LIPG: variants seen among roughly 807,000 people sequenced by gnomAD.
The protein encoded by LIPG is lipase G, endothelial type.
In LIPG, 34 loss-of-function variants were observed where a neutral mutation model predicts 51.8. The observed-to-expected ratio is 0.66, with a 90% CI of 0.50 to 0.87. LIPG has a LOEUF of 0.87. LIPG is among the 40% of genes least tolerant of loss of function. LIPG has a pLI of 0.00. For missense variants in LIPG, 580 were observed against 652.7 expected, an observed-to-expected ratio of 0.89 and a Z score of 1.21; for synonymous variants, 246 against 246.1, an observed-to-expected ratio of 1.00 and a Z score of 0.00.
At chr18:49,567,861 G>T (rs2084623514) in intron 3 of LIPG, 2 of 501,514 alleles carry the variant, frequency 4.0e-6, no homozygotes, top group Non-Finnish European at 7.0e-6. Context: ...GCTGAAAATT[G>T]GCCTTATGGG....
chr18:49,590,217 G>A, intron 9 of LIPG: 1 of 504,358 alleles, frequency 2.0e-6, no homozygotes, highest in Non-Finnish European at 3.7e-6. Context: ...GTATGTTGTG[G>A]GTGGATAATA....
At chr18:49,580,353 A>G (rs939435347) in intron 5 of LIPG, among the ~76,000 whole-genome samples, 2 of 152,232 alleles carry the variant, frequency 1.3e-5, no homozygotes, top group Admixed American at 1.3e-4. Context: ...TTCTTAAAGC[A>G]TCAGCTAGTA....
At chr18:49,566,262 T>G (rs1051508260) in intron 2 of LIPG, among the ~76,000 whole-genome samples, 1 of 152,192 alleles carries the variant, frequency 6.6e-6, no homozygotes, top group Non-Finnish European at 1.5e-5. Flanking sequence ...GGTAGGTGCC[T>G]GCCTACCTAG....
intron 1 of LIPG, among the ~76,000 whole-genome samples, chr18:49,563,307 T>C (rs2084570802): frequency 6.6e-6 from 1 of 152,210 alleles, no homozygotes; most frequent in Non-Finnish European, 1.5e-5. Context: ...ACTCTGGTGC[T>C]AACTAGAAGC....
intron 7 of LIPG, 34 bp downstream of exon 7, chr18:49,582,516 C>G (rs1034576601): frequency 2.5e-6 from 4 of 1,613,828 alleles, no homozygotes; most frequent in Admixed American, 1.7e-5. Context: ...GGGTTCGGGA[C>G]AGAGAACAGG....
rs1274601278 is a variant in LIPG, at chr18:49,594,924, A to G, written c.*4402A>G. 1 of 152,232 alleles carries G rather than the reference A, an allele frequency of 6.6e-6. No homozygotes were observed. The allele number at this position is 152,232 out of a possible 1,614,324, so 9.4% of individuals were successfully genotyped here. A position where few individuals can be genotyped will look rare whatever the true frequency, so the allele number is the denominator to read the frequency against. ...GAAAATTGTTGAAATTTCCCAAAGG[A>G]AGAGTCATAGCCTGGATGACTGCAA... On this transcript the variant is annotated 3_prime_UTR_variant, in exon 10 of 10. Transcript: ENST00000261292.
intron 2 of LIPG, 86 bp downstream of exon 2, chr18:49,565,584 A>G: frequency 3.4e-6 from 5 of 1,478,436 alleles, no homozygotes; most frequent in Non-Finnish European, 4.7e-6. Context: ...TGGTGTTTCC[A>G]GATTCCAAAC....
chr18:49,575,457 C>T lies in LIPG; in HGVS notation c.660C>T (p.His220=), dbSNP rs756495519. Residue 220 remains histidine (H), a synonymous_variant, in exon 5 of 10, where the codon CAC becomes CAT. Transcript: ENST00000261292. The stretch of plus-strand genomic sequence containing the variant: ...ATGCAGATTTTGTGGATGTCCTCCA[C>T]ACCTACACGCGTTCCTTCGGCTTGA... ...PDDADFVDVL[H]TYTRSFGLSI... is the part of the protein sequence containing the mutation. The T allele has an allele frequency of 1.2e-6, 2 of 1,614,222 alleles. No homozygotes were observed. The highest frequency in any genetic ancestry group is 1.7e-5 in the Admixed American group (1 of 60,032).
chr18:49,587,021 C>A (rs1327813016), intron 9 of LIPG, among the ~76,000 whole-genome samples, 171 bp downstream of exon 9: 1 of 151,692 alleles, frequency 6.6e-6, no homozygotes, highest in South Asian at 2.1e-4. Context: ...GTAATCCCAG[C>A]ACTTTGGGAG....
chr18:49,586,472 T>C (rs1174665572), intron 8 of LIPG, among the ~76,000 whole-genome samples: 2 of 108,778 alleles, frequency 1.8e-5, no homozygotes, highest in East Asian at 4.0e-4. Context: ...TGAGAGGCTA[T>C]GGCCTTGAGA....
At chr18:49,568,629 C>G (rs2084631747) in intron 3 of LIPG, among the ~76,000 whole-genome samples, 2 of 152,156 alleles carry the variant, frequency 1.3e-5, no homozygotes, top group African/African-American at 4.8e-5. Context: ...GATCTGCCTG[C>G]CTCGGCCTCC....
chr18:49,587,429 C>T (rs926464620), intron 9 of LIPG, among the ~76,000 whole-genome samples: 1 of 151,700 alleles, frequency 6.6e-6, no homozygotes, highest in Admixed American at 6.6e-5. Context: ...ATTAGACGGG[C>T]ATGGTGACGG....
chr18:49,570,049 A>G (rs1201809594), intron 4 of LIPG, among the ~76,000 whole-genome samples: 1 of 152,238 alleles, frequency 6.6e-6, no homozygotes, highest in African/African-American at 2.4e-5. Flanking sequence ...TCAGGGGAAA[A>G]GAATGAATAG....
upstream of LIPG, chr18:49,561,890 G>A (rs953462988): frequency 2.3e-5 from 30 of 1,281,938 alleles, no homozygotes; most frequent in African/African-American, 3.3e-4. Context: ...GCGTCCACGC[G>A]GTGAGTGTGC....
chr18:49,568,096 C>G (rs926228857), intron 3 of LIPG, among the ~76,000 whole-genome samples: 1 of 152,164 alleles, frequency 6.6e-6, no homozygotes, highest in Admixed American at 6.5e-5. Flanking sequence ...GTGGTGTGAT[C>G]TTGGTTCACT....
In LIPG at chr18:49,592,981, G is replaced by A. The variant is rs1191901850; in HGVS notation, c.*2459G>A. ...AGAGCCTCTCTCTGTCACCCAGGCT[G>A]GAGTGCAGTGGCAATCTTGGCTCAC... is the stretch of plus-strand genomic sequence containing the variant. On this transcript the variant is annotated 3_prime_UTR_variant, in exon 10 of 10. Coordinates refer to ENST00000261292, the MANE Select transcript of LIPG (RefSeq NM_006033.4). 7.4e-6 allele frequency: 1 copy of A among 134,490 alleles called. No individual in the cohort carries two copies. The highest frequency in any genetic ancestry group is 1.5e-5 in the Non-Finnish European group (1 of 65,738). The allele number at this position is 134,490 out of a possible 1,614,324, so 8.3% of individuals were successfully genotyped here. A position where few individuals can be genotyped will look rare whatever the true frequency, so the allele number is the denominator to read the frequency against.
rs985455027 is a variant in LIPG at position 49,562,197 on chromosome 18, C to G, written c.-112C>G. The G allele has an allele frequency of 3.2e-6, 5 of 1,585,642 alleles. No homozygotes were observed. Among genetic ancestry groups the G allele is most frequent in the Non-Finnish European group, 4.3e-6 (5 of 1,168,794 alleles). ...TTCCACCTTCTCTGCCTCCAGTCCC[C>G]CAGCCCCTGGCCGAGAGAAGGGTCT... On this transcript the variant is annotated 5_prime_UTR_variant, in exon 1 of 10. Transcript: ENST00000261292.
At chr18:49,581,286 G>T in intron 5 of LIPG, 129 bp from the exon 6 acceptor site, 1 of 1,375,244 alleles carries the variant, frequency 7.3e-7, no homozygotes, top group Non-Finnish European at 1.0e-6. Flanking sequence ...ACAAGCAAAA[G>T]AATTACATGA....
chr18:49,576,428 CTTTTCTTTTTT>C (rs552206753), intron 5 of LIPG, among the ~76,000 whole-genome samples: 631 of 56,176 alleles, frequency 0.011, 6 homozygotes, highest in African/African-American at 0.04. Context: ...TATTCTTTTT[CTTTTCTTTTTT>C]TAAAAGACAG....
Sources: gnomAD v4.1 joint callset for allele counts (sites outside exome capture counted in the v4.1 genomes callset) on GRCh38, gnomAD v4.1.1 for gene constraint, MANE v1.5 for transcripts, NCBI Gene and HGNC (gene_info 2026-07-23, HGNC 2026-07-21) for gene names.